Variants in PKHD1L1 observed in about 807,000 individuals in gnomAD.
PKHD1L1 encodes the protein fibrocystin-L.
A neutral mutation model predicts 462.9 loss-of-function variants in PKHD1L1; 434 were observed. That is an observed-to-expected ratio of 0.94 (90% CI 0.87 to 1.02). PKHD1L1 has a LOEUF of 1.02. PKHD1L1 is among the 50% of genes least tolerant of loss of function. PKHD1L1 has a pLI of 0.00. For synonymous variants in PKHD1L1, 1,781 were observed against 1,750.0 expected (o/e 1.02, Z -0.44); for missense variants, 5,202 against 5,096.1 (o/e 1.02, Z -0.63).
intron 65 of PKHD1L1, among the ~76,000 whole-genome samples, chr8:109,497,517 C>A (rs1819169144): frequency 6.7e-6 from 1 of 149,150 alleles, no homozygotes; most frequent in Non-Finnish European, 1.5e-5. Context: ...ACTGCAAACT[C>A]TGCCTCCCGG....
chr8:109,409,864 G>A lies in PKHD1L1; in HGVS notation c.1972-1G>A. The A allele has an allele frequency of 6.4e-7, 1 of 1,557,992 alleles. No individual in the cohort carries two copies. Among genetic ancestry groups the A allele is most frequent in the Non-Finnish European group, 8.7e-7 (1 of 1,147,636 alleles). ...TACTAATGTTTATATTGTTAATTTA[G>A]TTTCAGGGAGCAGTGGAAGAAATGG... On this transcript the variant is annotated splice_acceptor_variant, in intron 18 of 77. Coordinates refer to ENST00000378402, the MANE Select transcript of PKHD1L1 (RefSeq NM_177531.6). LOFTEE classifies it high-confidence loss of function.
rs373616022 is a variant in PKHD1L1 at position 109,443,093 on chromosome 8, G to A, written c.4541G>A (p.Arg1514His). The change falls in exon 36 of 78, where the codon CGC (arginine) becomes CAC (histidine). Residue 1514 changes from arginine (R) to histidine (H), a missense_variant. Arg to His is a conservative substitution (Grantham distance 29). This residue lies in a region of PKHD1L1 where 4,497 missense variants were observed against 4,336.8 expected (regional missense o/e 1.04). Transcript: ENST00000378402. The part of the protein sequence containing the change: ...RHIPLHLFVG[R>H]SEATYAYGGP... ...ATTCCCTTGCACCTGTTTGTGGGTC[G>A]CTCTGAAGCCACATATGCTTATGGT... is the stretch of plus-strand genomic sequence containing the variant. 15 of 1,613,234 alleles carry A rather than the reference G, an allele frequency of 9.3e-6. No homozygotes were observed. In the Admixed American group the frequency reaches 1.7e-4, roughly 18 times the overall value.
chr8:109,525,488 C>G (rs1466052882), intron 76 of PKHD1L1, among the ~76,000 whole-genome samples: 1 of 152,148 alleles, frequency 6.6e-6, no homozygotes, highest in Non-Finnish European at 1.5e-5. Flanking sequence ...GATAGCTCAC[C>G]ACTGCTCCAA....
At chr8:109,366,122 C>T (rs1282705512) in intron 2 of PKHD1L1, among the ~76,000 whole-genome samples, 1 of 152,182 alleles carries the variant, frequency 6.6e-6, no homozygotes, top group Non-Finnish European at 1.5e-5. Flanking sequence ...ACATTCTATT[C>T]TTTGGAAAGG....
Position 109,493,754 on chromosome 8 carries a change from A to C in PKHD1L1, c.10327+3A>C, listed in dbSNP as rs1818948139. On this transcript the variant is annotated splice_donor_region_variant and intron_variant, in intron 63 of 77. Coordinates refer to ENST00000378402, the MANE Select transcript of PKHD1L1 (RefSeq NM_177531.6). ...CATTGATGGTGAACCTTGCCCAGGT[A>C]AGTCTTTTAAACCAGGAATCGCTAA... 6.3e-7 allele frequency: 1 copy of C among 1,581,786 alleles called. No homozygotes were observed. Among genetic ancestry groups the C allele is most frequent in the South Asian group, 1.2e-5 (1 of 85,682 alleles).
chr8:109,425,040 A>C (rs771465805), intron 23 of PKHD1L1, 45 bp from the exon 24 acceptor site: 8 of 1,424,800 alleles, frequency 5.6e-6, no homozygotes, highest in Non-Finnish European at 7.5e-6. Context: ...CATGTAAGCC[A>C]TTGTTAAGTT....
chr8:109,400,004 T>C (rs1813188151), intron 12 of PKHD1L1, 72 bp from the exon 13 acceptor site: 3 of 1,448,970 alleles, frequency 2.1e-6, no homozygotes, highest in Non-Finnish European at 2.8e-6. Flanking sequence ...ATAACCAACA[T>C]CCAAATAGAA....
At chr8:109,397,749 T>C (rs1813053964) in intron 11 of PKHD1L1, among the ~76,000 whole-genome samples, 1 of 152,136 alleles carries the variant, frequency 6.6e-6, no homozygotes, top group Non-Finnish European at 1.5e-5. Flanking sequence ...TTTTCCAGGC[T>C]ATCAAACAAA....
At chr8:109,383,207 A>G (rs1431314248) in intron 4 of PKHD1L1, among the ~76,000 whole-genome samples, 1 of 86,856 alleles carries the variant, frequency 1.2e-5, no homozygotes, top group South Asian at 2.9e-4. Flanking sequence ...ATTATATATT[A>G]TATAATATAA....
intron 72 of PKHD1L1, among the ~76,000 whole-genome samples, chr8:109,515,964 G>GATGTGTGT (rs1820247623): frequency 6.6e-6 from 1 of 151,786 alleles, no homozygotes. Flanking sequence ...CCATTATATA[G>GATGTGTGT]ATGTGTGTGG....
At chr8:109,384,045 C>A in intron 4 of PKHD1L1, 25 bp from the exon 5 acceptor site, 1 of 1,504,324 alleles carries the variant, frequency 6.6e-7, no homozygotes, top group Non-Finnish European at 9.2e-7. Context: ...GATAAGTTTT[C>A]ATATTGACAT....
chr8:109,413,525 C>A lies in PKHD1L1; in HGVS notation c.2340C>A (p.Tyr780Ter), dbSNP rs1255778047. The A allele has an allele frequency of 6.5e-7, 1 of 1,541,218 alleles. No homozygotes were observed. Among genetic ancestry groups the A allele is most frequent in the South Asian group, 1.3e-5 (1 of 77,330 alleles). Residue 780 changes from tyrosine (Y) to a stop codon, truncating the protein, a stop_gained, in exon 21 of 78, where the codon TAC becomes TAA. Transcript: ENST00000378402. LOFTEE classifies it high-confidence loss of function. ...GAAGCACTGATACACAGTTTACATA[C>A]AACTTTGCTTATGGAAACAAGTAAG... ...ITRSTDTQFT[Y>*]NFAYGNNWTY... is the part of the protein sequence containing the mutation.
At chr8:109,369,074 G>A (rs1247260279) in intron 2 of PKHD1L1, among the ~76,000 whole-genome samples, 1 of 151,964 alleles carries the variant, frequency 6.6e-6, no homozygotes, top group East Asian at 1.9e-4. Context: ...CCGCCTCCTG[G>A]GTTCAAGAAT....
intron 46 of PKHD1L1, 131 bp downstream of exon 46, chr8:109,456,522 G>A (rs768236886): frequency 4.7e-6 from 4 of 852,264 alleles, no homozygotes; most frequent in Non-Finnish European, 5.0e-6. Flanking sequence ...AATATGAACA[G>A]CCAAATACAG....
intron 2 of PKHD1L1, among the ~76,000 whole-genome samples, chr8:109,379,004 G>A (rs1003542717): frequency 3.3e-5 from 5 of 152,154 alleles, no homozygotes; most frequent in African/African-American, 7.2e-5. Flanking sequence ...TGTGGCCACC[G>A]CAGTGCTAGC....
intron 60 of PKHD1L1, among the ~76,000 whole-genome samples, chr8:109,490,578 A>G (rs1290493315): frequency 2.0e-5 from 3 of 151,816 alleles, no homozygotes; most frequent in Non-Finnish European, 2.9e-5. Context: ...AGACATTTGA[A>G]TAGTAACTCC....
At chr8:109,364,433 C>A in intron 1 of PKHD1L1, 114 bp from the exon 2 acceptor site, 2 of 764,004 alleles carry the variant, frequency 2.6e-6, no homozygotes, top group South Asian at 1.7e-5. Flanking sequence ...TACTTTCAAT[C>A]CTGTAAACTT....
intron 58 of PKHD1L1, 38 bp downstream of exon 58, chr8:109,485,211 G>A: frequency 1.4e-6 from 2 of 1,439,416 alleles, no homozygotes; most frequent in Non-Finnish European, 9.4e-7. Context: ...ATATATAATT[G>A]TGTTGAAAGA....
At chr8:109,473,564 T>C (rs982155826) in intron 50 of PKHD1L1, among the ~76,000 whole-genome samples, 8 of 151,590 alleles carry the variant, frequency 5.3e-5, no homozygotes, top group African/African-American at 1.9e-4. Flanking sequence ...CTCAATTCAG[T>C]GGAATTCCAC....
Sources: allele counts gnomAD v4.1 joint callset (sites outside exome capture counted in the v4.1 genomes callset), GRCh38; gene constraint gnomAD v4.1.1; regional missense constraint gnomAD v4.1.1; transcripts MANE v1.5; gene names NCBI Gene and HGNC (gene_info 2026-07-23, HGNC 2026-07-21).